The following LZTFL1 variants were observed in gnomAD, a reference collection of about 807,000 sequenced individuals.
The protein encoded by LZTFL1 is leucine zipper transcription factor-like protein 1.
A neutral mutation model predicts 45.9 loss-of-function variants in LZTFL1; 25 were observed. The observed-to-expected ratio is 0.54, with a 90% CI of 0.40 to 0.76. LZTFL1 has a LOEUF of 0.76. Among genes scored for constraint, LZTFL1 ranks in the 30% least tolerant of loss-of-function variants. The probability of loss-of-function intolerance (pLI) is 0.00; values close to 1 mark genes in which losing one functional copy is unlikely to be tolerated. For synonymous variants in LZTFL1, 93 were observed against 117.4 expected (o/e 0.79, Z 1.35); for missense variants, 277 against 331.1 (o/e 0.84, Z 1.27).
intron 4 of LZTFL1, among the ~76,000 whole-genome samples, chr3:45,850,206 A>C (rs1227307872): frequency 6.6e-6 from 1 of 152,248 alleles, no homozygotes; most frequent in Non-Finnish European, 1.5e-5. Context: ...TTTCATGTCT[A>C]ACATGCTATG....
intron 4 of LZTFL1, among the ~76,000 whole-genome samples, chr3:45,853,983 A>C (rs1701347008): frequency 6.6e-6 from 1 of 152,150 alleles, no homozygotes; most frequent in Non-Finnish European, 1.5e-5. Context: ...ACTTCTCAAA[A>C]GCCATCAAAT....
intron 5 of LZTFL1, among the ~76,000 whole-genome samples, chr3:45,832,155 A>G (rs1024617801): frequency 5.3e-5 from 8 of 152,054 alleles, no homozygotes; most frequent in Admixed American, 4.6e-4. Flanking sequence ...CGGGAGGTGG[A>G]GCTTGGAGTG....
chr3:45,901,805 C>A lies in LZTFL1; in HGVS notation c.-215+11315G>T. On this transcript the variant is annotated intron_variant, in intron 2 of 4. Transcript: ENST00000472635. The surrounding 1 kb of genome is among the most constrained non-coding windows in gnomAD (Gnocchi z 4.3). The stretch of plus-strand genomic sequence containing the variant: ...CCCTGAAGAACTTGGGTTGCATCAG[C>A]CAGGCCCAGTGGGTTTCATTTACAA... The A allele has an allele frequency of 6.2e-6, 10 of 1,614,096 alleles. No homozygotes were observed. The highest frequency in any genetic ancestry group is 8.5e-6 in the Non-Finnish European group (10 of 1,179,978).
At chr3:45,834,341 G>T (rs1489391965) in intron 3 of LZTFL1, 43 bp from the exon 4 acceptor site, 1 of 1,283,884 alleles carries the variant, frequency 7.8e-7, no homozygotes, top group Non-Finnish European at 1.1e-6. Flanking sequence ...ATTTAAAATA[G>T]ATTTATATCA....
At chr3:45,902,134 G>T in intron 2 of LZTFL1, 1 of 457,960 alleles carries the variant, frequency 2.2e-6, no homozygotes, top group Non-Finnish European at 4.0e-6. Flanking sequence ...TCTCAAAGGA[G>T]GACTAAGGAC....
intron 2 of LZTFL1, among the ~76,000 whole-genome samples, chr3:45,875,212 A>AGCTCTATGG (rs1701731165): frequency 6.6e-6 from 1 of 151,444 alleles, no homozygotes; most frequent in South Asian, 2.1e-4. Context: ...TTTGAATGTG[A>AGCTCTATGG]GCTCTATGAG....
rs72890691 is a variant in LZTFL1, at chr3:45,904,153, A to T, written c.-215+8967T>A. The stretch of plus-strand genomic sequence containing the variant: ...TCTGGTACATGTTTTAAATGCCCAG[A>T]CTCCTCATCACACACAAATTTCTTG... On this transcript the variant is annotated intron_variant, in intron 2 of 4. Coordinates refer to the LZTFL1 transcript ENST00000472635. 6.0e-3 allele frequency among the ~76,000 whole-genome samples: 917 copies of T among 152,194 alleles called. 10 individuals are homozygous for T. Among genetic ancestry groups the T allele is most frequent in the African/African-American group, 0.02 (841 of 41,496 alleles).
At chr3:45,906,663 T>C (rs991065437) in intron 2 of LZTFL1, among the ~76,000 whole-genome samples, 3 of 152,216 alleles carry the variant, frequency 2.0e-5, no homozygotes, top group Non-Finnish European at 2.9e-5. Flanking sequence ...AATGGTGTCA[T>C]CTTCACAGAA....
chr3:45,897,530 C>T (rs1575301960), intron 2 of LZTFL1: 1 of 1,461,078 alleles, frequency 6.8e-7, no homozygotes, highest in Non-Finnish European at 9.3e-7. Flanking sequence ...CCTGGGATTT[C>T]TGCACAATTT....
intron 7 of LZTFL1, among the ~76,000 whole-genome samples, chr3:45,830,682 G>T (rs1480630910): frequency 6.6e-6 from 1 of 152,138 alleles, no homozygotes; most frequent in Non-Finnish European, 1.5e-5. Flanking sequence ...GAAACTGCAG[G>T]TGTGTGAGCT....
At chr3:45,910,510 A>C (rs1163395557) in intron 2 of LZTFL1, among the ~76,000 whole-genome samples, 3 of 152,132 alleles carry the variant, frequency 2.0e-5, no homozygotes, top group Non-Finnish European at 4.4e-5. Flanking sequence ...GAGAGAGTGG[A>C]GGCTGGCAGC....
intron 3 of LZTFL1, among the ~76,000 whole-genome samples, chr3:45,857,726 C>G (rs1267738853): frequency 1.3e-5 from 2 of 152,080 alleles, no homozygotes; most frequent in Non-Finnish European, 2.9e-5. Flanking sequence ...TAGATCTTAT[C>G]CTTTGGAGAA....
rs1702514045 is a variant in LZTFL1, at chr3:45,900,417, C to A, written c.-215+12703G>T. On this transcript the variant is annotated intron_variant, in intron 2 of 4. Coordinates refer to the LZTFL1 transcript ENST00000472635. This position sits in a 1 kb window ranked among gnomAD's most constrained non-coding sequence, Gnocchi z 4.7. ...TAGATAGGAGAAGTACGATCACAGTCATATCACAGTTTGATAAAACTGCCC... is the reference window on the plus strand; with the variant it reads ...TAGATAGGAGAAGTACGATCACAGTAATATCACAGTTTGATAAAACTGCCC... 6.6e-6 allele frequency among the ~76,000 whole-genome samples: 1 copy of A among 152,076 alleles called. No homozygotes were observed. Among genetic ancestry groups the A allele is most frequent in the South Asian group, 2.1e-4 (1 of 4,820 alleles).
At chr3:45,911,393 GT>G (rs966750411) in intron 2 of LZTFL1, among the ~76,000 whole-genome samples, 7 of 152,374 alleles carry the variant, frequency 4.6e-5, no homozygotes, top group African/African-American at 1.7e-4. Context: ...AGGTGTGGAT[GT>G]CTTTCTCAAT....
chr3:45,901,260 AG>A lies in LZTFL1; in HGVS notation c.-215+11859del. On this transcript the variant is annotated intron_variant, in intron 2 of 4. Transcript: ENST00000472635. This position sits in a 1 kb window ranked among gnomAD's most constrained non-coding sequence, Gnocchi z 4.3. The stretch of plus-strand genomic sequence containing the variant: ...CCAGGCCATGAGAGCACATACTTGG[AG>A]GGAGAAAAGGCTTTTGTACAGCAAA... 1 of 1,614,160 alleles carries A rather than the reference AG, an allele frequency of 6.2e-7. No homozygotes were observed. Among genetic ancestry groups the A allele is most frequent in the Non-Finnish European group, 8.5e-7 (1 of 1,180,036 alleles).
chr3:45,915,681 T>C (rs565842247), upstream of LZTFL1: 1,379 of 347,810 alleles, frequency 4.0e-3, 6 homozygotes, highest in Non-Finnish European at 6.3e-3. Flanking sequence ...TAGATGGGGC[T>C]GTCAACTCTT....
intron 9 of LZTFL1, among the ~76,000 whole-genome samples, chr3:45,826,648 C>T (rs1401608940): frequency 6.6e-6 from 1 of 152,206 alleles, no homozygotes; most frequent in East Asian, 1.9e-4. Context: ...GCTAGCAAAT[C>T]TACTTCTCTA....
At chr3:45,882,438 AT>A (rs1430578234) in intron 2 of LZTFL1, among the ~76,000 whole-genome samples, 1 of 152,242 alleles carries the variant, frequency 6.6e-6, no homozygotes, top group African/African-American at 2.4e-5. Context: ...TGCTTTTGAA[AT>A]ATGACTTTCC....
intron 3 of LZTFL1, among the ~76,000 whole-genome samples, chr3:45,857,963 T>G (rs1701420230): frequency 6.6e-6 from 1 of 152,258 alleles, no homozygotes; most frequent in South Asian, 2.1e-4. Context: ...TTGTGATTTT[T>G]CAAATTGGTT....
Sources: gnomAD v4.1 joint callset for allele counts (sites outside exome capture counted in the v4.1 genomes callset) on GRCh38, gnomAD v4.1.1 for gene constraint, Gnocchi (gnomAD v3.1) non-coding constraint, MANE v1.5 for transcripts, NCBI Gene and HGNC (gene_info 2026-07-23, HGNC 2026-07-21) for gene names.